Variants in SNX18 observed in about 807,000 individuals in gnomAD.
The protein encoded by SNX18 is sorting nexin-18.
Under a neutral mutation model 48.7 loss-of-function variants are expected in SNX18, and 35 were observed. The observed-to-expected ratio is 0.72, with a 90% confidence interval of 0.55 to 0.95. The LOEUF (loss-of-function observed/expected upper bound fraction) is 0.95. Ranked by LOEUF, SNX18 falls within the 40% of genes least tolerant of loss-of-function variation. The probability of loss-of-function intolerance (pLI) is 0.00; values close to 1 mark genes in which losing one functional copy is unlikely to be tolerated. For synonymous variants in SNX18, 492 were observed against 384.7 expected (o/e 1.28, Z -3.26); for missense variants, 824 against 871.0 (o/e 0.95, Z 0.68).
the SNX18 span, among the ~76,000 whole-genome samples, chr5:54,620,317 C>T: frequency 6.6e-6 from 1 of 152,006 alleles, no homozygotes; most frequent in Non-Finnish European, 1.5e-5. Context: ...GAAGCAGCTA[C>T]CAGAACCTGG....
At chr5:54,554,416 A>G in the SNX18 span, among the ~76,000 whole-genome samples, 1 of 152,238 alleles carries the variant, frequency 6.6e-6, no homozygotes, top group Admixed American at 6.5e-5. Flanking sequence ...TCTTGCTACA[A>G]GTAGACATAA....
chr5:54,595,697 G>T, the SNX18 span, among the ~76,000 whole-genome samples: 10 of 152,288 alleles, frequency 6.6e-5, no homozygotes, highest in South Asian at 1.9e-3. Flanking sequence ...GACACACGTT[G>T]TATTGGTGTC....
At chr5:54,597,990 C>G in the SNX18 span, among the ~76,000 whole-genome samples, 2 of 152,002 alleles carry the variant, frequency 1.3e-5, no homozygotes, top group Non-Finnish European at 2.9e-5. Flanking sequence ...ACATAGACTA[C>G]TAGCTAGACT....
At chr5:54,537,679 G>T (rs1271909588) in intron 1 of SNX18, among the ~76,000 whole-genome samples, 4 of 152,034 alleles carry the variant, frequency 2.6e-5, no homozygotes, top group East Asian at 1.9e-4. Context: ...AGGGGAGGGG[G>T]CTGGCAAGGG....
At chr5:54,588,328 T>A in the SNX18 span, among the ~76,000 whole-genome samples, 3 of 43,084 alleles carry the variant, frequency 7.0e-5, no homozygotes, top group South Asian at 8.5e-4. Context: ...TTTTTTTTTT[T>A]TTTTTTTTTT....
At chr5:54,594,294 G>A in the SNX18 span, among the ~76,000 whole-genome samples, 1 of 152,204 alleles carries the variant, frequency 6.6e-6, no homozygotes, top group Non-Finnish European at 1.5e-5. Context: ...GGGACATAAG[G>A]AAACTTTTGG....
the SNX18 span, among the ~76,000 whole-genome samples, chr5:54,625,227 G>C: frequency 2.6e-5 from 4 of 152,130 alleles, no homozygotes; most frequent in Admixed American, 2.6e-4. Flanking sequence ...AAACATAGTG[G>C]ATTAAACAAC....
At chr5:54,554,736 G>A in the SNX18 span, among the ~76,000 whole-genome samples, 6 of 152,274 alleles carry the variant, frequency 3.9e-5, no homozygotes, top group Admixed American at 3.9e-4. Context: ...ATTCTTTAAT[G>A]CATCATGCCT....
rs779304883 is a variant in SNX18, at chr5:54,519,191, GC to G, written c.1245del (p.Ala416ProfsTer42). On this transcript the variant is annotated frameshift_variant, in exon 1 of 2. Coordinates refer to ENST00000381410, the MANE Select transcript of SNX18 (RefSeq NM_001102575.2). LOFTEE classifies it high-confidence loss of function. ...GANFFLTLSTPPAAALDLQEV... is the reference protein window; with the variant it reads ...GANFFLTLSTXPAAALDLQEV... ...CCAACTTCTTCCTGACCCTTAGCAC[GC>G]CCCCCGCCGCTGCCCTTGACCTGCA... 2 of 1,613,528 alleles carry G rather than the reference GC, an allele frequency of 1.2e-6. No individual in the cohort carries two copies. The highest frequency in any genetic ancestry group is 8.5e-7 in the Non-Finnish European group (1 of 1,179,802).
chr5:54,598,349 AC>A, the SNX18 span, among the ~76,000 whole-genome samples: 1 of 152,174 alleles, frequency 6.6e-6, no homozygotes, highest in African/African-American at 2.4e-5. Context: ...ATTATTCCAA[AC>A]AATTGAAAAG....
the SNX18 span, among the ~76,000 whole-genome samples, chr5:54,630,459 C>T: frequency 2.0e-5 from 3 of 152,104 alleles, no homozygotes; most frequent in Admixed American, 6.5e-5. Flanking sequence ...ACCATCTTGG[C>T]GAAAGTGCTG....
At chr5:54,532,873 G>A (rs1175566774) in intron 1 of SNX18, among the ~76,000 whole-genome samples, 2 of 152,138 alleles carry the variant, frequency 1.3e-5, no homozygotes, top group Non-Finnish European at 2.9e-5. Flanking sequence ...TATATGCATA[G>A]TAACTAAAAT....
the SNX18 span, among the ~76,000 whole-genome samples, chr5:54,591,103 A>C: frequency 2.6e-5 from 4 of 151,556 alleles, no homozygotes; most frequent in Non-Finnish European, 5.9e-5. Context: ...AGGAATAAAC[A>C]CCTAAAGGTA....
intron 1 of SNX18, among the ~76,000 whole-genome samples, chr5:54,531,964 C>G (rs1195991904): frequency 4.6e-5 from 7 of 152,162 alleles, no homozygotes; most frequent in Admixed American, 4.6e-4. Flanking sequence ...AGATATTCTG[C>G]TAACTCCAGC....
chr5:54,640,903 T>C, the SNX18 span, among the ~76,000 whole-genome samples: 1 of 151,968 alleles, frequency 6.6e-6, no homozygotes, highest in Non-Finnish European at 1.5e-5. Flanking sequence ...CTACTAAAAA[T>C]ACAAAAATTA....
intron 1 of SNX18, among the ~76,000 whole-genome samples, chr5:54,522,676 A>G (rs1179135084): frequency 1.3e-5 from 2 of 152,110 alleles, no homozygotes; most frequent in Non-Finnish European, 2.9e-5. Flanking sequence ...GTGTGCCTTT[A>G]TGTCCCATTC....
the SNX18 span, among the ~76,000 whole-genome samples, chr5:54,599,923 T>C: frequency 6.6e-6 from 1 of 152,184 alleles, no homozygotes; most frequent in East Asian, 1.9e-4. Flanking sequence ...GACAGAGGCA[T>C]GGGCAAAGAT....
intron 1 of SNX18, among the ~76,000 whole-genome samples, chr5:54,521,351 G>C (rs1580093104): frequency 6.6e-6 from 1 of 152,206 alleles, no homozygotes; most frequent in Non-Finnish European, 1.5e-5. Context: ...ATTAGAAAAG[G>C]TATGGTGTGT....
chr5:54,595,459 A>G, the SNX18 span, among the ~76,000 whole-genome samples: 73 of 151,776 alleles, frequency 4.8e-4, no homozygotes, highest in African/African-American at 1.7e-3. Context: ...CTGGTCTCCA[A>G]CTCCTGACCT....
Sources: allele counts gnomAD v4.1 joint callset (sites outside exome capture counted in the v4.1 genomes callset), GRCh38; gene constraint gnomAD v4.1.1; transcripts MANE v1.5; gene names NCBI Gene and HGNC (gene_info 2026-07-23, HGNC 2026-07-21).